Variants in GLIS3 observed in about 807,000 individuals in gnomAD.
GLIS3 encodes the protein zinc finger protein GLIS3.
A neutral mutation model predicts 78.6 loss-of-function variants in GLIS3; 53 were observed. The ratio of observed to expected loss-of-function variants is 0.67; its 90% confidence interval spans 0.54 to 0.85. The LOEUF is 0.85. GLIS3 is among the 40% of genes least tolerant of loss of function. GLIS3 has a pLI of 0.00. For missense variants in GLIS3, 1,703 were observed against 1,231.1 expected (o/e 1.38, Z -5.74); for synonymous variants, 684 against 509.9 (o/e 1.34, Z -4.60).
At chr9:4,183,941 G>C (rs950634308) in intron 2 of GLIS3, among the ~76,000 whole-genome samples, 3 of 152,100 alleles carry the variant, frequency 2.0e-5, no homozygotes, top group Non-Finnish European at 2.9e-5. Context: ...ATTAAACTAA[G>C]TAGCTAAATT....
chr9:4,110,927 A>G (rs747777223), intron 4 of GLIS3, among the ~76,000 whole-genome samples: 37 of 152,228 alleles, frequency 2.4e-4, no homozygotes, highest in Admixed American at 4.6e-4. Context: ...CTTTCACTCT[A>G]CACATTCAAA....
At chr9:3,836,486 C>G (rs1051629522) in intron 9 of GLIS3, among the ~76,000 whole-genome samples, 1 of 152,204 alleles carries the variant, frequency 6.6e-6, no homozygotes, top group African/African-American at 2.4e-5. Context: ...GACAGGGACA[C>G]AGAAGATGCA....
chr9:4,351,602 T>C (rs1293195742), upstream of GLIS3, among the ~76,000 whole-genome samples: 1 of 152,184 alleles, frequency 6.6e-6, no homozygotes, highest in East Asian at 1.9e-4. Flanking sequence ...GAAATTTTCA[T>C]GGGCAAAAAG....
chr9:4,360,785 T>C, the GLIS3 span, among the ~76,000 whole-genome samples: 5 of 152,154 alleles, frequency 3.3e-5, no homozygotes, highest in Non-Finnish European at 5.9e-5. Context: ...ACAGACACCT[T>C]GAAGGGTGCT....
At chr9:3,879,998 G>T (rs1038010617) in intron 7 of GLIS3, among the ~76,000 whole-genome samples, 1 of 152,114 alleles carries the variant, frequency 6.6e-6, no homozygotes, top group African/African-American at 2.4e-5. Context: ...CACAGCACAG[G>T]CCTTCTTCCT....
chr9:4,469,870 A>C, the GLIS3 span, among the ~76,000 whole-genome samples: 2 of 152,306 alleles, frequency 1.3e-5, no homozygotes, highest in South Asian at 4.1e-4. Context: ...AAGATCAACA[A>C]AATTGATAGA....
At chr9:3,833,865 C>G (rs1187768969) in intron 9 of GLIS3, among the ~76,000 whole-genome samples, 1 of 152,144 alleles carries the variant, frequency 6.6e-6, no homozygotes, top group Non-Finnish European at 1.5e-5. Flanking sequence ...TCCCAAAGGT[C>G]AAGGAGAATC....
chr9:4,187,013 G>A (rs1214218696), intron 2 of GLIS3, among the ~76,000 whole-genome samples: 1 of 152,170 alleles, frequency 6.6e-6, no homozygotes, highest in Non-Finnish European at 1.5e-5. Context: ...GATCCCATTT[G>A]TCAATTCTGG....
chr9:4,314,771 T>G (rs934123415), intron 2 of GLIS3, among the ~76,000 whole-genome samples: 12 of 152,216 alleles, frequency 7.9e-5, no homozygotes, highest in African/African-American at 2.9e-4. Flanking sequence ...CTCTGGGATT[T>G]TGGGCAAGTT....
intron 2 of GLIS3, among the ~76,000 whole-genome samples, chr9:4,227,987 T>C (rs918236882): frequency 1.3e-5 from 2 of 152,160 alleles, no homozygotes; most frequent in East Asian, 3.9e-4. Context: ...ATGTCTAACT[T>C]AGAAAACTTT....
chr9:4,473,460 C>CAAAAAAAAAAAAAAAAAAAA, the GLIS3 span, among the ~76,000 whole-genome samples: 66 of 131,112 alleles, frequency 5.0e-4, no homozygotes, highest in Non-Finnish European at 8.9e-4. Context: ...ACAACAACAA[C>CAAAAAAAAAAAAAAAAAAAA]AAAAAAAAAG....
In GLIS3 at chr9:3,827,090, G is replaced by A. The variant is rs956665249; in HGVS notation, c.*1182C>T. The A allele has an allele frequency of 2.5e-4, 38 of 152,338 alleles. No homozygotes were observed. Among genetic ancestry groups the A allele is most frequent in the African/African-American group, 8.9e-4 (37 of 41,582 alleles). 9.4% of individuals were successfully genotyped at this position (152,338 alleles called of 1,614,324 possible). On this transcript the variant is annotated 3_prime_UTR_variant, in exon 11 of 11. Coordinates refer to ENST00000381971, the MANE Select transcript of GLIS3 (RefSeq NM_001042413.2). The stretch of plus-strand genomic sequence containing the variant: ...AGAACTGTCACCTCTACCTTCCCAA[G>A]ATGATCAGACAATGGCGGCTGGTGG...
chr9:4,120,418 A>C (rs545914079), intron 3 of GLIS3, among the ~76,000 whole-genome samples: 2 of 152,322 alleles, frequency 1.3e-5, no homozygotes, highest in African/African-American at 4.8e-5. Flanking sequence ...CACATCCTTA[A>C]ATTCGGGTTG....
chr9:4,047,430 A>G (rs1252083768), intron 4 of GLIS3, among the ~76,000 whole-genome samples: 1 of 152,122 alleles, frequency 6.6e-6, no homozygotes, highest in Non-Finnish European at 1.5e-5. Flanking sequence ...TTATTTTTAT[A>G]TTACTTTTTT....
At chr9:3,941,326 G>T (rs769806536) in intron 4 of GLIS3, among the ~76,000 whole-genome samples, 6 of 151,940 alleles carry the variant, frequency 3.9e-5, no homozygotes, top group Non-Finnish European at 8.8e-5. Flanking sequence ...TCTCTTACTG[G>T]AGACTCTTTA....
At chr9:4,209,912 C>T (rs146188463) in intron 2 of GLIS3, among the ~76,000 whole-genome samples, 7 of 152,170 alleles carry the variant, frequency 4.6e-5, no homozygotes, top group African/African-American at 1.2e-4. Context: ...CAAAGAGGAT[C>T]TGTGTACAAA....
chr9:4,067,700 C>T (rs1321506465), intron 4 of GLIS3, among the ~76,000 whole-genome samples: 1 of 151,674 alleles, frequency 6.6e-6, no homozygotes, highest in East Asian at 1.9e-4. Flanking sequence ...AACAGATTTG[C>T]CAAATTTAAA....
intron 4 of GLIS3, among the ~76,000 whole-genome samples, chr9:4,024,702 A>G (rs897140502): frequency 3.9e-5 from 6 of 152,238 alleles, no homozygotes; most frequent in Non-Finnish European, 8.8e-5. Flanking sequence ...GACAGAGGCC[A>G]GGACTTTTAA....
chr9:3,953,795 C>CTCTCTCTCTATATATA (rs1403671770), intron 4 of GLIS3, among the ~76,000 whole-genome samples: 10 of 73,322 alleles, frequency 1.4e-4, no homozygotes, highest in African/African-American at 4.5e-4. Flanking sequence ...CTCTCTCTCT[C>CTCTCTCTCTATATATA]TATATATATA....
Sources: allele counts gnomAD v4.1 joint callset (sites outside exome capture counted in the v4.1 genomes callset), GRCh38; gene constraint gnomAD v4.1.1; transcripts MANE v1.5; gene names NCBI Gene and HGNC (gene_info 2026-07-23, HGNC 2026-07-21).